The following SHC3 variants were observed in gnomAD, a reference collection of about 807,000 sequenced individuals.
SHC3 encodes the protein SHC-transforming protein 3.
Under a neutral mutation model 60.4 loss-of-function variants are expected in SHC3, and 15 were observed. That is an observed-to-expected ratio of 0.25 (90% CI 0.17 to 0.38). SHC3 has a LOEUF of 0.38. Ranked by LOEUF, SHC3 falls within the 10% of genes least tolerant of loss-of-function variation. SHC3 has a pLI of 1.00. For missense variants in SHC3, 677 were observed against 786.1 expected, an observed-to-expected ratio of 0.86 and a Z score of 1.66; for synonymous variants, 294 against 325.9, an observed-to-expected ratio of 0.90 and a Z score of 1.05.
chr9:89,113,468 C>T (rs920558447), intron 1 of SHC3, among the ~76,000 whole-genome samples: 12 of 151,730 alleles, frequency 7.9e-5, no homozygotes, highest in African/African-American at 2.4e-4. Flanking sequence ...ACAGCCTGGG[C>T]GACAGAGCGA....
chr9:89,073,463 G>A (rs1247614809), intron 4 of SHC3, among the ~76,000 whole-genome samples: 1 of 152,156 alleles, frequency 6.6e-6, no homozygotes, highest in Non-Finnish European at 1.5e-5. Flanking sequence ...ATGGAGAAGG[G>A]AGTGTCTAGC....
rs540334012 is a variant in SHC3 at position 89,020,533 on chromosome 9, A to G, written c.1657-6958T>C. Among the ~76,000 whole-genome samples, 3 of 152,264 alleles carry G rather than the reference A, an allele frequency of 2.0e-5. No homozygotes were observed. In the East Asian group the frequency reaches 5.8e-4, roughly 29 times the overall value. On this transcript the variant is annotated intron_variant, in intron 11 of 11. Transcript: ENST00000375835. ...CGTACGTCCATGTCAAAGCAGGACA[A>G]AACAGGGACAGTTTCTGGTGCCAGG...
chr9:89,131,664 A>G (rs146945004), intron 1 of SHC3, among the ~76,000 whole-genome samples: 1 of 152,310 alleles, frequency 6.6e-6, no homozygotes, highest in African/African-American at 2.4e-5. Flanking sequence ...AAACCACATG[A>G]TTATCTCAAT....
chr9:89,157,919 C>T (rs1826649244), intron 1 of SHC3, among the ~76,000 whole-genome samples: 1 of 152,080 alleles, frequency 6.6e-6, no homozygotes, highest in African/African-American at 2.4e-5. Context: ...AGCCACCATG[C>T]CCAGGCTGGT....
chr9:89,080,768 C>CTTT (rs11445164), intron 2 of SHC3, among the ~76,000 whole-genome samples: 3 of 127,196 alleles, frequency 2.4e-5, no homozygotes, highest in Admixed American at 8.1e-5. Context: ...TGTATGTATA[C>CTTT]TTTTTTTTTT....
At chr9:89,113,593 T>C (rs903632046) in intron 1 of SHC3, among the ~76,000 whole-genome samples, 4 of 152,216 alleles carry the variant, frequency 2.6e-5, no homozygotes, top group African/African-American at 4.8e-5. Context: ...TCTGAGCCTG[T>C]CTATACACCC....
chr9:89,100,367 C>A (rs535230572), intron 2 of SHC3, among the ~76,000 whole-genome samples: 5 of 151,968 alleles, frequency 3.3e-5, no homozygotes, highest in Non-Finnish European at 5.9e-5. Context: ...GTATAATAAA[C>A]CTTTTTTAGA....
At chr9:89,052,898 T>A (rs949009434) in intron 6 of SHC3, among the ~76,000 whole-genome samples, 1 of 152,174 alleles carries the variant, frequency 6.6e-6, no homozygotes, top group Non-Finnish European at 1.5e-5. Context: ...GGAGCAGTCC[T>A]TATGCTTGAA....
intron 1 of SHC3, among the ~76,000 whole-genome samples, chr9:89,166,911 G>T (rs1826797544): frequency 6.6e-6 from 1 of 152,204 alleles, no homozygotes; most frequent in Non-Finnish European, 1.5e-5. Flanking sequence ...CTTTGCTGTT[G>T]TCTGCACCTT....
chr9:89,021,165 C>T (rs76849802), intron 11 of SHC3, among the ~76,000 whole-genome samples: 6,344 of 152,252 alleles, frequency 0.042, 326 homozygotes, highest in African/African-American at 0.12. Flanking sequence ...AAAGTACACT[C>T]GTGTTAGTAT....
At chr9:89,047,758 C>T (rs533269276) in intron 7 of SHC3, among the ~76,000 whole-genome samples, 38 of 152,252 alleles carry the variant, frequency 2.5e-4, no homozygotes, top group African/African-American at 1.2e-4. Context: ...TTGATAAGAA[C>T]GTGGGGATAT....
chr9:89,053,188 C>G (rs545526965), intron 6 of SHC3, among the ~76,000 whole-genome samples: 1 of 152,266 alleles, frequency 6.6e-6, no homozygotes, highest in Admixed American at 6.5e-5. Context: ...TCAGGAATTC[C>G]TGGGAAGGAT....
At chr9:89,021,982 C>T (rs1184833487) in intron 11 of SHC3, among the ~76,000 whole-genome samples, 1 of 152,086 alleles carries the variant, frequency 6.6e-6, no homozygotes, top group Non-Finnish European at 1.5e-5. Flanking sequence ...ACGACTTGCC[C>T]GAGCCAGAGG....
In SHC3 at chr9:89,060,400, T is replaced by C. The variant is rs1226581008; in HGVS notation, c.835+5129A>G. Among the ~76,000 whole-genome samples, 18 of 151,856 alleles carry C rather than the reference T, an allele frequency of 1.2e-4. No homozygotes were observed. The East Asian group carries it at 3.5e-3, about 29-fold the overall frequency. On this transcript the variant is annotated intron_variant, in intron 6 of 11. Transcript: ENST00000375835. ...AAGATATGCTGGAAGATGCTTGGTG[T>C]AGGATGGTACACAGGATGATCAGGG...
chr9:89,165,265 T>C (rs1005015623), intron 1 of SHC3, among the ~76,000 whole-genome samples: 5 of 151,682 alleles, frequency 3.3e-5, no homozygotes, highest in African/African-American at 1.2e-4. Flanking sequence ...CGTGTTTGTG[T>C]GTGTGTGTGT....
chr9:89,079,196 A>G (rs1001207397), intron 2 of SHC3, among the ~76,000 whole-genome samples: 1 of 152,232 alleles, frequency 6.6e-6, no homozygotes, highest in African/African-American at 2.4e-5. Flanking sequence ...TCATTTTATA[A>G]TAATATTCTA....
At chr9:89,021,940 G>A (rs1461054762) in intron 11 of SHC3, among the ~76,000 whole-genome samples, 1 of 152,186 alleles carries the variant, frequency 6.6e-6, no homozygotes, top group Non-Finnish European at 1.5e-5. Context: ...AGACTACGGG[G>A]TGGTCTTTCC....
intron 2 of SHC3, among the ~76,000 whole-genome samples, chr9:89,110,679 G>A (rs902810735): frequency 2.6e-5 from 4 of 152,202 alleles, no homozygotes; most frequent in Admixed American, 1.3e-4. Context: ...GCATCATGGA[G>A]ACGAGCAAAT....
At chr9:89,132,123 A>G (rs1424129948) in intron 1 of SHC3, among the ~76,000 whole-genome samples, 1 of 152,144 alleles carries the variant, frequency 6.6e-6, no homozygotes, top group Non-Finnish European at 1.5e-5. Context: ...TAACAGACAA[A>G]CAGAGAGCCA....
Sources: allele counts gnomAD v4.1 joint callset (sites outside exome capture counted in the v4.1 genomes callset), GRCh38; gene constraint gnomAD v4.1.1; transcripts MANE v1.5; gene names NCBI Gene and HGNC (gene_info 2026-07-23, HGNC 2026-07-21).